USO1: variants seen among roughly 807,000 people sequenced by gnomAD.
The protein encoded by USO1 is general vesicular transport factor p115.
A neutral mutation model predicts 124.5 loss-of-function variants in USO1; 57 were observed. The observed-to-expected ratio is 0.46, with a 90% confidence interval of 0.37 to 0.57. The LOEUF is 0.57. Ranked by LOEUF, USO1 falls within the 20% of genes least tolerant of loss-of-function variation. The pLI, the probability that USO1 is intolerant of heterozygous loss-of-function variation, is 0.00. For synonymous variants in USO1, 369 were observed against 362.8 expected, an observed-to-expected ratio of 1.02 and a Z score of -0.19; for missense variants, 900 against 1,040.6, an observed-to-expected ratio of 0.86 and a Z score of 1.86.
At chr4:75,735,988 A>T (rs1030604034) in intron 1 of USO1, among the ~76,000 whole-genome samples, 2 of 152,178 alleles carry the variant, frequency 1.3e-5, no homozygotes, top group African/African-American at 4.8e-5. Context: ...GATTATGCCC[A>T]ATTTACCAGT....
intron 4 of USO1, among the ~76,000 whole-genome samples, chr4:75,762,391 A>G (rs1721637491): frequency 2.0e-5 from 3 of 151,714 alleles, no homozygotes; most frequent in Admixed American, 1.3e-4. Context: ...CTCGATCTCC[A>G]GACTTCATGA....
chr4:75,730,084 C>T (rs1348787335), intron 1 of USO1: 2 of 235,318 alleles, frequency 8.5e-6, no homozygotes, highest in South Asian at 4.4e-5. Flanking sequence ...ATAACAATGT[C>T]GGAGAGAACT....
At chr4:75,732,207 G>A (rs182049878) in intron 1 of USO1, among the ~76,000 whole-genome samples, 36 of 151,880 alleles carry the variant, frequency 2.4e-4, no homozygotes, top group Non-Finnish European at 4.7e-4. Flanking sequence ...CCCATCTTTA[G>A]GTCCGTGCTT....
chr4:75,753,729 T>G (rs1721351993), intron 3 of USO1, among the ~76,000 whole-genome samples: 1 of 150,070 alleles, frequency 6.7e-6, no homozygotes. Context: ...ACAAAATAAA[T>G]ATAAATTTAA....
At chr4:75,730,197 T>G (rs1720589508) in intron 1 of USO1, among the ~76,000 whole-genome samples, 1 of 152,200 alleles carries the variant, frequency 6.6e-6, no homozygotes, top group Admixed American at 6.5e-5. Context: ...TTTTGTAGAT[T>G]ATATAGGGTT....
intron 1 of USO1, among the ~76,000 whole-genome samples, chr4:75,737,659 G>A (rs1361843080): frequency 6.6e-6 from 1 of 152,064 alleles, no homozygotes; most frequent in Non-Finnish European, 1.5e-5. Context: ...TAGTGCCACT[G>A]CACTCCAGCC....
chr4:75,759,675 G>A (rs1250558806), intron 4 of USO1, among the ~76,000 whole-genome samples: 22 of 151,202 alleles, frequency 1.5e-4, no homozygotes, highest in Admixed American at 7.2e-4. Flanking sequence ...TCGGGACACC[G>A]AGACAGGCAG....
intron 17 of USO1, 90 bp from the exon 18 acceptor site, chr4:75,804,044 C>G: frequency 6.7e-7 from 1 of 1,483,696 alleles, no homozygotes; most frequent in Non-Finnish European, 9.0e-7. Context: ...CATACTGTCC[C>G]AAAATGACCT....
At chr4:75,737,471 C>A (rs1720827222) in intron 1 of USO1, among the ~76,000 whole-genome samples, 3 of 152,098 alleles carry the variant, frequency 2.0e-5, no homozygotes, top group Admixed American at 2.0e-4. Flanking sequence ...TTGATGGCTT[C>A]TTAAATTGTA....
chr4:75,770,767 T>C (rs1721904781), intron 5 of USO1, 55 bp from the exon 6 acceptor site: 2 of 1,574,608 alleles, frequency 1.3e-6, no homozygotes, highest in East Asian at 4.5e-5. Flanking sequence ...GAAAAAATGT[T>C]TTTCTCGAAA....
At position 75,790,767 on chromosome 4, in the gene USO1, G is replaced by T. The variant is rs537084726; in HGVS notation, c.1210G>T (p.Val404Leu). The T allele has an allele frequency of 2.5e-6, 4 of 1,610,902 alleles. No homozygotes were observed. The highest frequency in any genetic ancestry group is 1.3e-5 in the African/African-American group (1 of 74,952). ...AAACCAAAAAGGACAAGGAGAAATC[G>T]TGTCAACACTTTTACCTTCTACCAT... is the stretch of plus-strand genomic sequence containing the variant. ...YKNQKGQGEIVSTLLPSTIDA... is the reference protein window; with the variant it reads ...YKNQKGQGEILSTLLPSTIDA... The change falls in exon 12 of 24, where the codon GTG becomes TTG. Residue 404 changes from valine (V) to leucine (L), a missense_variant. Val to Leu is a conservative substitution (Grantham distance 32). Coordinates refer to ENST00000514213, the MANE Select transcript of USO1 (RefSeq NM_003715.4).
intron 12 of USO1, among the ~76,000 whole-genome samples, chr4:75,791,221 T>C (rs1474834781): frequency 3.3e-5 from 5 of 152,158 alleles, no homozygotes; most frequent in Admixed American, 6.5e-5. Flanking sequence ...TAATTATAAT[T>C]GTCATTCTAA....
intron 11 of USO1, 61 bp downstream of exon 11, chr4:75,790,299 A>G: frequency 1.3e-6 from 2 of 1,539,932 alleles, no homozygotes; most frequent in South Asian, 2.4e-5. Context: ...TTGTTAATGT[A>G]TCTCATATAC....
In USO1 at chr4:75,808,739, A is replaced by AT. The variant is rs10683487; in HGVS notation, c.2377-202dup. ...CTCCCCTCCCTTCCTGTCTTTTATG[A>AT]TTTTTTTTTTTTGCATGGGATTTCA... On this transcript the variant is annotated intron_variant, in intron 20 of 23. Transcript: ENST00000514213. 7.1e-3 allele frequency among the ~76,000 whole-genome samples: 1,009 copies of AT among 141,616 alleles called. 22 individuals are homozygous for AT. Among genetic ancestry groups the AT allele is most frequent in the African/African-American group, 0.024 (925 of 37,880 alleles). 92.9% of individuals were successfully genotyped at this position (141,616 alleles called of 152,430 possible).
intron 4 of USO1, among the ~76,000 whole-genome samples, chr4:75,767,339 C>T (rs192599406): frequency 1.1e-3 from 170 of 152,328 alleles, no homozygotes; most frequent in African/African-American, 3.9e-3. Context: ...TACCCCCTAA[C>T]ACATACAGCT....
intron 4 of USO1, among the ~76,000 whole-genome samples, chr4:75,760,866 G>C (rs937825652): frequency 6.6e-6 from 1 of 152,082 alleles, no homozygotes; most frequent in African/African-American, 2.4e-5. Context: ...GGTTTTTCTG[G>C]CCAGGCGTGG....
rs944312604 is a variant in USO1 at position 75,806,421 on chromosome 4, C to T, written c.2290-65C>T. On this transcript the variant is annotated intron_variant, in intron 19 of 23. Transcript: ENST00000514213. ...TGATATAGTTTATATGTGTACAGTT[C>T]TGTTTTTTTTTCTCATCTCTTTAGA... is the stretch of plus-strand genomic sequence containing the variant. 3 of 1,482,620 alleles carry T rather than the reference C, an allele frequency of 2.0e-6. No individual in the cohort carries two copies. In the African/African-American group the frequency reaches 4.5e-5, roughly 22 times the overall value. The allele number at this position is 1,482,620 out of a possible 1,614,324, so 91.8% of individuals were successfully genotyped here. A position where few individuals can be genotyped will look rare whatever the true frequency, so the allele number is the denominator to read the frequency against.
At chr4:75,741,310 C>G (rs139493591) in intron 1 of USO1, among the ~76,000 whole-genome samples, 170 of 152,214 alleles carry the variant, frequency 1.1e-3, no homozygotes, top group African/African-American at 3.9e-3. Flanking sequence ...AGAAGTTGCT[C>G]TGGATGAGTC....
intron 6 of USO1, 21 bp downstream of exon 6, chr4:75,770,945 A>G (rs1721910883): frequency 1.9e-6 from 3 of 1,601,128 alleles, no homozygotes; most frequent in South Asian, 1.1e-5. Flanking sequence ...TATCTTTTTT[A>G]TATTATTTTG....
Sources: gnomAD v4.1 joint callset for allele counts (sites outside exome capture counted in the v4.1 genomes callset) on GRCh38, gnomAD v4.1.1 for gene constraint, MANE v1.5 for transcripts, NCBI Gene and HGNC (gene_info 2026-07-23, HGNC 2026-07-21) for gene names.